Variants in DLG1 observed in about 807,000 individuals in gnomAD.
DLG1 encodes discs large MAGUK scaffold protein 1, also known as disks large homolog 1.
In DLG1, 42 loss-of-function variants were observed where a neutral mutation model predicts 123.4. The ratio of observed to expected loss-of-function variants is 0.34; its 90% CI spans 0.27 to 0.44. DLG1 has a LOEUF of 0.44. Ranked by LOEUF, DLG1 falls within the 20% of genes least tolerant of loss-of-function variation. DLG1 has a pLI of 1.00. For synonymous variants in DLG1, 317 were observed against 356.2 expected, an observed-to-expected ratio of 0.89 and a Z score of 1.24; for missense variants, 942 against 1,082.6, an observed-to-expected ratio of 0.87 and a Z score of 1.82.
In DLG1 at chr3:197,196,332, G is replaced by T. The variant is rs139360852; in HGVS notation, c.319-1743C>A. ...GGCTTACATCAACATTAGCTTATTCGATAGGATATAAGAATAATGTTTTCA... is the reference window on the plus strand; with the variant it reads ...GGCTTACATCAACATTAGCTTATTCTATAGGATATAAGAATAATGTTTTCA... On this transcript the variant is annotated intron_variant, in intron 4 of 24. Coordinates refer to ENST00000667157, the MANE Select transcript of DLG1 (RefSeq NM_001366207.1). Among the ~76,000 whole-genome samples, 7 of 152,180 alleles carry T rather than the reference G, an allele frequency of 4.6e-5. No homozygotes were observed. The South Asian group carries it at 1.5e-3, about 32-fold the overall frequency.
At chr3:197,073,865 A>G (rs1194022725) in intron 18 of DLG1, among the ~76,000 whole-genome samples, 2 of 152,008 alleles carry the variant, frequency 1.3e-5, no homozygotes, top group East Asian at 3.9e-4. Flanking sequence ...GTTCTCTGGA[A>G]TAACTTAACC....
intron 4 of DLG1, among the ~76,000 whole-genome samples, chr3:197,256,250 C>T (rs1205985424): frequency 1.3e-5 from 2 of 152,220 alleles, no homozygotes; most frequent in Non-Finnish European, 2.9e-5. Context: ...GCTTTGCAGG[C>T]CATATGCTCA....
At chr3:197,199,920 A>ATT (rs1724719010) in intron 4 of DLG1, among the ~76,000 whole-genome samples, 1 of 152,186 alleles carries the variant, frequency 6.6e-6, no homozygotes, top group African/African-American at 2.4e-5. Flanking sequence ...TTAAATGATT[A>ATT]TAGTAAGAAC....
At chr3:197,073,440 A>C (rs1000249304) in intron 18 of DLG1, among the ~76,000 whole-genome samples, 2 of 152,166 alleles carry the variant, frequency 1.3e-5, no homozygotes, top group Admixed American at 6.6e-5. Context: ...TGTTAAAGGA[A>C]TCTTACCTAG....
chr3:197,197,832 A>T lies in DLG1; in HGVS notation c.319-3243T>A, dbSNP rs575942592. ...CAATGGAATTGAATAAAGAGTCCAGAAATAGATCCTGACATTTACAGTCAA... is the reference window on the plus strand; with the variant it reads ...CAATGGAATTGAATAAAGAGTCCAGTAATAGATCCTGACATTTACAGTCAA... On this transcript the variant is annotated intron_variant, in intron 4 of 24. Transcript: ENST00000667157. 3.9e-5 allele frequency among the ~76,000 whole-genome samples: 6 copies of T among 152,378 alleles called. No homozygotes were observed. The South Asian group carries it at 1.2e-3, about 32-fold the overall frequency.
intron 14 of DLG1, among the ~76,000 whole-genome samples, chr3:197,091,450 A>T (rs951721815): frequency 6.6e-6 from 1 of 151,968 alleles, no homozygotes; most frequent in Non-Finnish European, 1.5e-5. Flanking sequence ...TCCCCTTGAG[A>T]CAATCAGTTC....
intron 5 of DLG1, among the ~76,000 whole-genome samples, chr3:197,160,789 C>T (rs1798485449): frequency 6.6e-6 from 1 of 152,042 alleles, no homozygotes. Flanking sequence ...TATTTTGAAA[C>T]TGTTTACACA....
intron 4 of DLG1, among the ~76,000 whole-genome samples, chr3:197,250,281 T>C (rs1291274906): frequency 2.6e-5 from 4 of 152,126 alleles, no homozygotes; most frequent in Non-Finnish European, 5.9e-5. Context: ...AAAAGAAATT[T>C]AAAAAGCACC....
At chr3:197,256,683 A>G (rs1039949984) in intron 4 of DLG1, among the ~76,000 whole-genome samples, 3 of 152,248 alleles carry the variant, frequency 2.0e-5, no homozygotes, top group African/African-American at 4.8e-5. Flanking sequence ...ATTAGTTTAG[A>G]AAAATGTATC....
At chr3:197,097,602 A>C (rs1460449175) in intron 14 of DLG1, among the ~76,000 whole-genome samples, 2 of 124,796 alleles carry the variant, frequency 1.6e-5, no homozygotes, top group Admixed American at 1.0e-4. Context: ...TTTTTTTGAG[A>C]GAGAGTCTCG....
chr3:197,254,567 C>A (rs1755956314), intron 4 of DLG1, among the ~76,000 whole-genome samples: 1 of 152,014 alleles, frequency 6.6e-6, no homozygotes, highest in African/African-American at 2.4e-5. Context: ...CAAAAGAAAA[C>A]CCACACAGCA....
chr3:197,059,517 TTTC>T (rs1325945633), intron 23 of DLG1, among the ~76,000 whole-genome samples: 1 of 152,242 alleles, frequency 6.6e-6, no homozygotes, highest in Admixed American at 6.5e-5. Context: ...CTATTTGTTC[TTTC>T]TTAATTTTTA....
intron 22 of DLG1, 57 bp from the exon 23 acceptor site, chr3:197,060,055 C>T (rs1734696165): frequency 1.6e-6 from 2 of 1,272,320 alleles, no homozygotes; most frequent in African/African-American, 3.0e-5. Flanking sequence ...TCAATAATAT[C>T]AAAGGTACTT....
intron 6 of DLG1, 181 bp from the exon 7 acceptor site, chr3:197,142,949 T>A (rs9866550): frequency 0.32 from 184,041 of 572,150 alleles, 32,037 homozygotes; most frequent in Middle Eastern, 0.44. Flanking sequence ...CAAATGTGAT[T>A]AATGAGTTGA....
intron 7 of DLG1, among the ~76,000 whole-genome samples, chr3:197,141,987 G>C (rs1473755717): frequency 6.6e-6 from 1 of 152,192 alleles, no homozygotes; most frequent in African/African-American, 2.4e-5. Context: ...GATTACAGGC[G>C]TGAGTGCAGA....
Position 197,260,750 on chromosome 3 carries a change from C to CAAAAAAAAAAAAAAAA in DLG1, c.318+21913_318+21928dup, listed in dbSNP as rs570596943. ...GTTTGGATACTCAAATGACAACCAC[C>CAAAAAAAAAAAAAAAA]AAAAAAAAAAAAAAAAAAAAAAAAA... On this transcript the variant is annotated intron_variant, in intron 4 of 24. Transcript: ENST00000667157. Among the ~76,000 whole-genome samples the CAAAAAAAAAAAAAAAA allele has an allele frequency of 1.3e-3, 23 of 18,320 alleles. 2 individuals carry two copies. The highest frequency in any genetic ancestry group is 3.1e-3 in the East Asian group (1 of 322). The allele number at this position is 18,320 out of a possible 152,430, so 12.0% of individuals were successfully genotyped here.
intron 4 of DLG1, among the ~76,000 whole-genome samples, chr3:197,267,080 T>C (rs575460593): frequency 1.3e-5 from 2 of 152,320 alleles, no homozygotes; most frequent in African/African-American, 4.8e-5. Flanking sequence ...CAGGAGAACG[T>C]GATTACAGTG....
At chr3:197,229,848 C>T (rs528136543) in intron 4 of DLG1, among the ~76,000 whole-genome samples, 2 of 152,304 alleles carry the variant, frequency 1.3e-5, no homozygotes, top group South Asian at 2.1e-4. Flanking sequence ...AATTACCTTA[C>T]TTAATCCAAA....
At chr3:197,161,873 C>T in intron 5 of DLG1, 1 of 556,568 alleles carries the variant, frequency 1.8e-6, no homozygotes, top group Non-Finnish European at 3.2e-6. Flanking sequence ...TAATACATTA[C>T]ACTAATATAA....
Sources: allele counts gnomAD v4.1 joint callset (sites outside exome capture counted in the v4.1 genomes callset), GRCh38; gene constraint gnomAD v4.1.1; transcripts MANE v1.5; gene names NCBI Gene and HGNC (gene_info 2026-07-23, HGNC 2026-07-21).